The following NOS1 variants were observed in gnomAD, a reference collection of about 807,000 sequenced individuals.
NOS1 encodes NOS type I.
NOS1 carries 51 observed loss-of-function variants against 164.5 expected under a neutral mutation model. The ratio of observed to expected loss-of-function variants is 0.31; its 90% confidence interval spans 0.25 to 0.39. The LOEUF is 0.39. NOS1 is among the 10% of genes least tolerant of loss of function. The pLI is 1.00. For missense variants in NOS1, 1,362 were observed against 1,885.6 expected, an observed-to-expected ratio of 0.72 and a Z score of 5.14; for synonymous variants, 719 against 745.8, an observed-to-expected ratio of 0.96 and a Z score of 0.59.
chr12:117,283,855 C>CAAA (rs61448842), intron 7 of NOS1, among the ~76,000 whole-genome samples: 23,608 of 63,504 alleles, frequency 0.37, 3,931 homozygotes, highest in South Asian at 0.43. Flanking sequence ...GACTCTGTCT[C>CAAA]AAAAAAAAAA....
chr12:117,211,319 G>T lies in NOS1; in HGVS notation c.*3990C>A, dbSNP rs11616132. 1 of 985,078 alleles carries T rather than the reference G, an allele frequency of 1.0e-6. No individual in the cohort carries two copies. The highest frequency in any genetic ancestry group is 6.2e-5 in the Admixed American group (1 of 16,226). 61.0% of individuals were successfully genotyped at this position (985,078 alleles called of 1,614,324 possible). ...CTACAATGGATGGGGTGCCAGGTAC[G>T]CTGATTCAGTTCCTGGAGTCTCTTT... On this transcript the variant is annotated 3_prime_UTR_variant, in exon 29 of 29. Transcript: ENST00000317775.
At chr12:117,258,602 G>T (rs1871647372) in intron 15 of NOS1, 147 bp from the exon 16 acceptor site, 1 of 771,972 alleles carries the variant, frequency 1.3e-6, no homozygotes, top group Non-Finnish European at 2.2e-6. Context: ...GCTCAGGCTG[G>T]ACAGTAATGC....
In NOS1 at chr12:117,270,462, A is replaced by G. The variant is rs183805296; in HGVS notation, c.1839+1923T>C. Among the ~76,000 whole-genome samples, 218 of 152,204 alleles carry G rather than the reference A, an allele frequency of 1.4e-3. 3 individuals are homozygous for G. In the East Asian group the frequency reaches 0.017, roughly 12 times the overall value. ...GCATTAGTTTCTGCTTGGGGTCTCTATCAGCGACACATTTGTGGGAAGTAA... is the reference window on the plus strand; with the variant it reads ...GCATTAGTTTCTGCTTGGGGTCTCTGTCAGCGACACATTTGTGGGAAGTAA... On this transcript the variant is annotated intron_variant, in intron 10 of 28. Transcript: ENST00000317775.
rs1956555632 is a variant in NOS1 at position 117,213,312 on chromosome 12, G to A, written c.*1997C>T. 1.0e-6 allele frequency: 1 copy of A among 985,402 alleles called. No homozygotes were observed. The highest frequency in any genetic ancestry group is 1.2e-6 in the Non-Finnish European group (1 of 830,000). The allele number at this position is 985,402 out of a possible 1,614,324, so 61.0% of individuals were successfully genotyped here. A position where few individuals can be genotyped will look rare whatever the true frequency, so the allele number is the denominator to read the frequency against. On this transcript the variant is annotated 3_prime_UTR_variant, in exon 29 of 29. Transcript: ENST00000317775. ...AGGAAAGCTACTAGGAGCTGGAAAT[G>A]GGTTTGCAGGAAAGGAGTTTAGAAT...
At chr12:117,359,578 G>T (rs1593049295) in intron 1 of NOS1, among the ~76,000 whole-genome samples, 1 of 152,186 alleles carries the variant, frequency 6.6e-6, no homozygotes, top group African/African-American at 2.4e-5. Flanking sequence ...GGCGCCTATG[G>T]GCGCGCTCGC....
At position 117,290,211 on chromosome 12, in the gene NOS1, GC is replaced by G. The variant is rs926856357; in HGVS notation, c.981+86del. 9.3e-6 allele frequency: 14 copies of G among 1,504,226 alleles called. No individual in the cohort carries two copies. The African/African-American group carries it at 1.6e-4, about 18-fold the overall frequency. The allele number at this position is 1,504,226 out of a possible 1,614,324, so 93.2% of individuals were successfully genotyped here. ...GCTCAACACCCTACAACAGAGGACA[GC>G]CCCCACAACAAAGACTTATCCGACT... On this transcript the variant is annotated intron_variant, in intron 4 of 28. Coordinates refer to ENST00000317775, the MANE Select transcript of NOS1 (RefSeq NM_000620.5).
At chr12:117,335,790 C>T (rs1025282491) in intron 1 of NOS1, among the ~76,000 whole-genome samples, 4 of 111,426 alleles carry the variant, frequency 3.6e-5, no homozygotes, top group Non-Finnish European at 7.8e-5. Flanking sequence ...TGATATCTTG[C>T]CCAGGCTGGT....
At chr12:117,289,912 T>C (rs548662962) in intron 4 of NOS1, among the ~76,000 whole-genome samples, 5 of 152,320 alleles carry the variant, frequency 3.3e-5, no homozygotes, top group Non-Finnish European at 5.9e-5. Flanking sequence ...GCCCATTGTA[T>C]GAGTTTGAAG....
chr12:117,210,203 A>G lies in NOS1; in HGVS notation c.*5106T>C, dbSNP rs1320809910. 1.3e-6 allele frequency: 1 copy of G among 776,164 alleles called. No individual in the cohort carries two copies. The highest frequency in any genetic ancestry group is 1.9e-5 in the African/African-American group (1 of 51,814). 48.1% of individuals were successfully genotyped at this position (776,164 alleles called of 1,614,324 possible). On this transcript the variant is annotated 3_prime_UTR_variant, in exon 29 of 29. Transcript: ENST00000317775. ...GCTGTGTTGCCCAAGCTGGTCTCAA[A>G]CTCCTGGCCCCAAGTGATCCTCCCA...
At chr12:117,295,469 T>C (rs1255590564) in intron 3 of NOS1, among the ~76,000 whole-genome samples, 2 of 152,166 alleles carry the variant, frequency 1.3e-5, no homozygotes, top group African/African-American at 4.8e-5. Context: ...TCCAAGGCCA[T>C]GTGGCCCACA....
chr12:117,247,264 A>G lies in NOS1; in HGVS notation c.2823+84T>C, dbSNP rs1188510128. 15 of 1,180,910 alleles carry G rather than the reference A, an allele frequency of 1.3e-5. No homozygotes were observed. In the East Asian group the frequency reaches 3.3e-4, roughly 26 times the overall value. 73.2% of individuals were successfully genotyped at this position (1,180,910 alleles called of 1,614,324 possible). The stretch of plus-strand genomic sequence containing the variant: ...AGGTACTGAGGGTTCTCTCAAGTTT[A>G]TTCTCTTCTTGATGGTTTAGGTGCT... On this transcript the variant is annotated intron_variant, in intron 18 of 28. Transcript: ENST00000317775.
chr12:117,219,928 T>C (rs1956674432), intron 27 of NOS1, 147 bp downstream of exon 27: 2 of 743,594 alleles, frequency 2.7e-6, no homozygotes, highest in Non-Finnish European at 4.4e-6. Flanking sequence ...GGACCATCTA[T>C]ATCCTCTACC....
Position 117,222,787 on chromosome 12 carries a change from G to A in NOS1, c.3903C>T (p.Thr1301=). 1 of 1,613,968 alleles carries A rather than the reference G, an allele frequency of 6.2e-7. No homozygotes were observed. Among genetic ancestry groups the A allele is most frequent in the South Asian group, 1.1e-5 (1 of 91,068 alleles). The stretch of plus-strand genomic sequence containing the variant: ...AGACCCCCTTGTTCTTGGCCTGCAG[G>A]GTCTCTTCCCTGTAGATATGATCTA... ...SKIDHIYREE[T]LQAKNKGVFR... The change falls in exon 26 of 29, where the codon ACC becomes ACT. Residue 1301 remains threonine, a synonymous_variant. Coordinates refer to ENST00000317775, the MANE Select transcript of NOS1 (RefSeq NM_000620.5).
chr12:117,242,763 T>G, intron 19 of NOS1, 58 bp from the exon 20 acceptor site: 1 of 1,523,004 alleles, frequency 6.6e-7, no homozygotes, highest in African/African-American at 1.4e-5. Context: ...CATTAAAAAC[T>G]CCCCAGGTGG....
intron 2 of NOS1, among the ~76,000 whole-genome samples, chr12:117,328,503 C>T (rs1329855997): frequency 6.6e-6 from 1 of 152,134 alleles, no homozygotes; most frequent in South Asian, 2.1e-4. Flanking sequence ...GAGACCTGCC[C>T]TAGCCTCCCT....
chr12:117,334,324 T>C (rs1234728713), intron 1 of NOS1, among the ~76,000 whole-genome samples: 1 of 152,032 alleles, frequency 6.6e-6, no homozygotes, highest in Non-Finnish European at 1.5e-5. Context: ...GAGAGGCAGA[T>C]ATATTTTCTG....
chr12:117,325,200 G>A (rs1025075102), intron 2 of NOS1, among the ~76,000 whole-genome samples: 2 of 152,110 alleles, frequency 1.3e-5, no homozygotes, highest in African/African-American at 2.4e-5. Context: ...TGCCCACCCC[G>A]ACATGCAGCC....
intron 13 of NOS1, among the ~76,000 whole-genome samples, chr12:117,262,523 G>T (rs1374396730): frequency 6.6e-6 from 1 of 151,346 alleles, no homozygotes; most frequent in Non-Finnish European, 1.5e-5. Flanking sequence ...AGGAGAGAGA[G>T]AGAGAGAGAG....
At position 117,256,452 on chromosome 12, in the gene NOS1, T is replaced by C. The variant is rs200833287; in HGVS notation, c.2531+1945A>G. On this transcript the variant is annotated intron_variant, in intron 16 of 28. Transcript: ENST00000317775. ...CTCCACCATGGCCAGCTAATTTTTATGTTTTTAGTAGAGACGGGTTTCACC... is the reference window on the plus strand; with the variant it reads ...CTCCACCATGGCCAGCTAATTTTTACGTTTTTAGTAGAGACGGGTTTCACC... Among the ~76,000 whole-genome samples, 42 of 151,906 alleles carry C rather than the reference T, an allele frequency of 2.8e-4. No homozygotes were observed. In the East Asian group the frequency reaches 6.7e-3, roughly 24 times the overall value.
Sources: gnomAD v4.1 joint callset for allele counts (sites outside exome capture counted in the v4.1 genomes callset) on GRCh38, gnomAD v4.1.1 for gene constraint, MANE v1.5 for transcripts, NCBI Gene and HGNC (gene_info 2026-07-23, HGNC 2026-07-21) for gene names.